Variants in SLC25A48 observed in about 807,000 individuals in gnomAD.
SLC25A48 encodes the protein CTC-321K16.1.
Under a neutral mutation model 32.2 loss-of-function variants are expected in SLC25A48, and 29 were observed. The observed-to-expected ratio is 0.90, with a 90% CI of 0.67 to 1.23. SLC25A48 has a LOEUF of 1.23. SLC25A48 is among the 50% of genes most tolerant of loss of function. The probability of loss-of-function intolerance (pLI) is 0.00; values close to 1 mark genes in which losing one functional copy is unlikely to be tolerated. For missense variants in SLC25A48, 399 were observed against 422.7 expected (o/e 0.94, Z 0.49); for synonymous variants, 164 against 172.3 (o/e 0.95, Z 0.38).
chr5:135,881,282 C>T (rs1739574238), intron 7 of SLC25A48, among the ~76,000 whole-genome samples: 2 of 152,236 alleles, frequency 1.3e-5, no homozygotes, highest in Non-Finnish European at 2.9e-5. Context: ...TGATCTTTGT[C>T]TATAAAACCT....
intron 3 of SLC25A48, among the ~76,000 whole-genome samples, chr5:135,762,215 A>T (rs959997968): frequency 6.6e-6 from 1 of 152,222 alleles, no homozygotes; most frequent in Non-Finnish European, 1.5e-5. Context: ...GTTGAACAGC[A>T]CGGGGCTAGG....
At chr5:135,831,596 G>T (rs1306496602), upstream of SLC25A48, among the ~76,000 whole-genome samples, 1 of 152,242 alleles carries the variant, frequency 6.6e-6, no homozygotes, top group Non-Finnish European at 1.5e-5. Flanking sequence ...TAAAGAAGAA[G>T]GGGGCAGGGA....
chr5:135,878,676 G>A (rs1402188900), intron 6 of SLC25A48, among the ~76,000 whole-genome samples: 3 of 152,298 alleles, frequency 2.0e-5, no homozygotes, highest in Admixed American at 2.0e-4. Context: ...AGAGACTGAG[G>A]AAACTGGGGA....
chr5:135,824,204 A>G (rs1757965571), intron 4 of SLC25A48, among the ~76,000 whole-genome samples: 1 of 152,112 alleles, frequency 6.6e-6, no homozygotes, highest in South Asian at 2.1e-4. Flanking sequence ...GTGACTTAGG[A>G]ATGGCAAGAA....
At chr5:135,767,173 T>C (rs1413415336) in intron 3 of SLC25A48, among the ~76,000 whole-genome samples, 1 of 122,278 alleles carries the variant, frequency 8.2e-6, no homozygotes, top group Non-Finnish European at 1.7e-5. Flanking sequence ...CTCCCAATAT[T>C]TCAGGACAGG....
intron 3 of SLC25A48, among the ~76,000 whole-genome samples, chr5:135,707,886 A>G (rs1313631857): frequency 6.6e-6 from 1 of 152,134 alleles, no homozygotes; most frequent in African/African-American, 2.4e-5. Flanking sequence ...CCTGGCATGG[A>G]GTAGGCTTTG....
intron 3 of SLC25A48, among the ~76,000 whole-genome samples, chr5:135,789,498 G>A (rs574717908): frequency 3.6e-4 from 54 of 151,040 alleles, no homozygotes; most frequent in Non-Finnish European, 6.2e-4. Flanking sequence ...AACCGCCTGC[G>A]GAATGGTTTG....
Position 135,598,467 on chromosome 5 carries a change from A to G in SLC25A48, c.-849+18870A>G, listed in dbSNP as rs150531704. 4.9e-3 allele frequency among the ~76,000 whole-genome samples: 754 copies of G among 152,348 alleles called. 6 individuals carry two copies. Among genetic ancestry groups the G allele is most frequent in the Middle Eastern group, 0.014 (4 of 294 alleles). On this transcript the variant is annotated intron_variant, in intron 1 of 10. Coordinates refer to the SLC25A48 transcript ENST00000646290. Reference sequence around the variant, plus strand: ...TCTACAATGGCATACTGTTAACTGAAGAATCATGAGGTTCATCAATATGAA... The same window carrying G: ...TCTACAATGGCATACTGTTAACTGAGGAATCATGAGGTTCATCAATATGAA...
At chr5:135,838,145 G>A (rs963229782) in intron 1 of SLC25A48, among the ~76,000 whole-genome samples, 1 of 152,196 alleles carries the variant, frequency 6.6e-6, no homozygotes, top group African/African-American at 2.4e-5. Context: ...CTCTTGCTAT[G>A]TTTTAGCAAA....
chr5:135,869,465 G>A (rs1761474088), intron 4 of SLC25A48, among the ~76,000 whole-genome samples: 1 of 152,190 alleles, frequency 6.6e-6, no homozygotes, highest in South Asian at 2.1e-4. Context: ...TGGAGGTTTG[G>A]TGGGTGTTTT....
chr5:135,600,271 C>T (rs1211556178), intron 1 of SLC25A48, among the ~76,000 whole-genome samples: 1 of 152,214 alleles, frequency 6.6e-6, no homozygotes, highest in Non-Finnish European at 1.5e-5. Context: ...TAATGTGGTT[C>T]TCCTGCTCCC....
intron 3 of SLC25A48, among the ~76,000 whole-genome samples, chr5:135,685,016 C>T (rs769517764): frequency 6.6e-6 from 1 of 152,208 alleles, no homozygotes; most frequent in Admixed American, 6.5e-5. Flanking sequence ...AGTTTACACT[C>T]TCACGAGCAG....
At chr5:135,880,892 G>A (rs780761475) in intron 7 of SLC25A48, among the ~76,000 whole-genome samples, 1 of 152,120 alleles carries the variant, frequency 6.6e-6, no homozygotes, top group Non-Finnish European at 1.5e-5. Flanking sequence ...CAGGATGCCG[G>A]CTTGCTTTCT....
chr5:135,586,237 C>G (rs1014899218), intron 1 of SLC25A48, among the ~76,000 whole-genome samples: 2 of 152,174 alleles, frequency 1.3e-5, no homozygotes, highest in Non-Finnish European at 2.9e-5. Context: ...TACCTTTTGC[C>G]CAGGTGTCAC....
chr5:135,742,713 C>T, intron 3 of SLC25A48: 1 of 398,084 alleles, frequency 2.5e-6, no homozygotes, highest in Non-Finnish European at 4.6e-6. Context: ...CTCTGAAATA[C>T]CTCTTAGTCA....
At chr5:135,719,803 C>T (rs1754905485) in intron 3 of SLC25A48, among the ~76,000 whole-genome samples, 1 of 152,200 alleles carries the variant, frequency 6.6e-6, no homozygotes, top group African/African-American at 2.4e-5. Context: ...CACTGCCCTC[C>T]TGCAGTCCAG....
At chr5:135,737,774 C>T (rs1196650304) in intron 3 of SLC25A48, among the ~76,000 whole-genome samples, 2 of 152,130 alleles carry the variant, frequency 1.3e-5, no homozygotes, top group Admixed American at 1.3e-4. Context: ...GCTGCACCTC[C>T]GGGTCACTTT....
At chr5:135,748,723 T>A (rs1426619724) in intron 3 of SLC25A48, among the ~76,000 whole-genome samples, 2 of 36,220 alleles carry the variant, frequency 5.5e-5, no homozygotes, top group Non-Finnish European at 1.5e-4. Flanking sequence ...GACAGGTAAA[T>A]TTTTTTTTTT....
At chr5:135,697,592 C>T (rs1484061345) in intron 3 of SLC25A48, among the ~76,000 whole-genome samples, 1 of 152,216 alleles carries the variant, frequency 6.6e-6, no homozygotes, top group Non-Finnish European at 1.5e-5. Flanking sequence ...CAACTGCACA[C>T]TCTCATCCCC....
Sources: gnomAD v4.1 joint callset for allele counts (sites outside exome capture counted in the v4.1 genomes callset) on GRCh38, gnomAD v4.1.1 for gene constraint, MANE v1.5 for transcripts, NCBI Gene and HGNC (gene_info 2026-07-23, HGNC 2026-07-21) for gene names.